The following SCIMP variants were observed in gnomAD, a reference collection of about 807,000 sequenced individuals.
SCIMP encodes the protein SLP adaptor and CSK interacting membrane protein.
In SCIMP, 18 loss-of-function variants were observed where a neutral mutation model predicts 22.0. The ratio of observed to expected loss-of-function variants is 0.82; its 90% CI spans 0.56 to 1.21. SCIMP has a LOEUF of 1.21. SCIMP is among the 50% of genes most tolerant of loss of function. SCIMP has a pLI of 0.00. For synonymous variants in SCIMP, 53 were observed against 62.2 expected, an observed-to-expected ratio of 0.85 and a Z score of 0.70; for missense variants, 155 against 171.2, an observed-to-expected ratio of 0.91 and a Z score of 0.53.
intron 2 of SCIMP, among the ~76,000 whole-genome samples, chr17:5,222,396 G>A (rs2074615349): frequency 6.6e-6 from 1 of 151,792 alleles, no homozygotes. Flanking sequence ...CGGCCAGGTT[G>A]TTATTTAAAG....
chr17:5,219,368 T>G lies in SCIMP; in HGVS notation c.209+1919A>C, dbSNP rs8078003. On this transcript the variant is annotated intron_variant, in intron 3 of 4. Coordinates refer to ENST00000574081, the MANE Select transcript of SCIMP (RefSeq NM_207103.3). ...GAGGCCGGGCATGGTGGCTCACACT[T>G]GTAATCCGAGCACTTTGGGAGGCCA... Among the ~76,000 whole-genome samples the G allele has an allele frequency of 8.9e-3, 1,349 of 151,634 alleles. 20 individuals are homozygous for G. The highest frequency in any genetic ancestry group is 0.031 in the African/African-American group (1,290 of 41,310).
chr17:5,223,490 A>G (rs1382220134), intron 1 of SCIMP, 34 bp from the exon 2 acceptor site: 1 of 1,610,894 alleles, frequency 6.2e-7, no homozygotes, highest in Admixed American at 1.7e-5. Context: ...ATGAGGTATG[A>G]ATGAAAGATA....
At position 5,219,192 on chromosome 17, in the gene SCIMP, G is replaced by A. The variant is rs571650736; in HGVS notation, c.209+2095C>T. The stretch of plus-strand genomic sequence containing the variant: ...AAATTAGCCAGGTGTGGTGGCGCGC[G>A]CCTGTAATCCCAGCTATTCAGGAGA... On this transcript the variant is annotated intron_variant, in intron 3 of 4. Transcript: ENST00000574081. Among the ~76,000 whole-genome samples the A allele has an allele frequency of 7.2e-4, 110 of 152,158 alleles. 1 individual carries two copies. The highest frequency in any genetic ancestry group is 6.8e-3 in the Middle Eastern group (2 of 294).
At chr17:5,230,156 G>T (rs2074683069) in intron 1 of SCIMP, among the ~76,000 whole-genome samples, 1 of 152,120 alleles carries the variant, frequency 6.6e-6, no homozygotes, top group Non-Finnish European at 1.5e-5. Context: ...TTCCCACTTA[G>T]CTGTTGCACT....
intron 3 of SCIMP, among the ~76,000 whole-genome samples, chr17:5,217,072 C>T (rs1172480265): frequency 1.3e-5 from 2 of 152,030 alleles, no homozygotes; most frequent in African/African-American, 2.4e-5. Flanking sequence ...AGAGCTCCAC[C>T]GGCGGCTCTC....
chr17:5,226,567 G>A (rs924428482), intron 1 of SCIMP, among the ~76,000 whole-genome samples: 12 of 149,460 alleles, frequency 8.0e-5, no homozygotes, highest in Non-Finnish European at 1.6e-4. Context: ...GTGCGATGGC[G>A]TGATCTCGGC....
chr17:5,228,878 G>A (rs761271138), intron 1 of SCIMP, among the ~76,000 whole-genome samples: 33 of 152,294 alleles, frequency 2.2e-4, no homozygotes, highest in Admixed American at 3.9e-4. Flanking sequence ...ATATACGAAA[G>A]AATGGATGAT....
chr17:5,220,612 C>T lies in SCIMP; in HGVS notation c.209+675G>A, dbSNP rs561262860. ...TACAAAAAGTAGCTGGGTATGCTGG[C>T]GTGTGCCTGTAATCTCAGCTACTTG... On this transcript the variant is annotated intron_variant, in intron 3 of 4. Transcript: ENST00000574081. 1.8e-4 allele frequency among the ~76,000 whole-genome samples: 27 copies of T among 151,850 alleles called. No homozygotes were observed. In the South Asian group the frequency reaches 2.9e-3, roughly 16 times the overall value.
At chr17:5,232,003 C>T (rs950737692) in intron 1 of SCIMP, among the ~76,000 whole-genome samples, 1 of 152,120 alleles carries the variant, frequency 6.6e-6, no homozygotes, top group African/African-American at 2.4e-5. Context: ...TTGCAGTGAG[C>T]CGAGATTGCG....
At chr17:5,232,600 G>C (rs2074711079) in intron 1 of SCIMP, among the ~76,000 whole-genome samples, 1 of 152,006 alleles carries the variant, frequency 6.6e-6, no homozygotes, top group Non-Finnish European at 1.5e-5. Flanking sequence ...GGTCTGAGAG[G>C]CTGTAGAGAA....
chr17:5,215,279 G>A (rs777961662), intron 3 of SCIMP: 1 of 321,516 alleles, frequency 3.1e-6, no homozygotes, highest in Non-Finnish European at 5.8e-6. Context: ...GTTCACCTGA[G>A]CTGGATTCGG....
chr17:5,210,704 G>T lies in SCIMP; in HGVS notation c.*97C>A. 6.8e-7 allele frequency: 1 copy of T among 1,478,994 alleles called. No individual in the cohort carries two copies. The highest frequency in any genetic ancestry group is 1.4e-5 in the South Asian group (1 of 71,842). The allele number at this position is 1,478,994 out of a possible 1,614,324, so 91.6% of individuals were successfully genotyped here. ...TTCATAAAATCACCACTGGCTTTCA[G>T]GGCCCAGAGACCTACTGAAGTTCAA... is the stretch of plus-strand genomic sequence containing the variant. On this transcript the variant is annotated 3_prime_UTR_variant, in exon 5 of 5. Transcript: ENST00000574081.
chr17:5,234,166 G>A (rs2074725499), intron 1 of SCIMP, among the ~76,000 whole-genome samples: 1 of 152,284 alleles, frequency 6.6e-6, no homozygotes, highest in African/African-American at 2.4e-5. Context: ...AGCTACTCAG[G>A]AGGCTGAGGC....
chr17:5,229,096 A>G (rs1775496939), intron 1 of SCIMP, among the ~76,000 whole-genome samples: 1 of 152,140 alleles, frequency 6.6e-6, no homozygotes, highest in South Asian at 2.1e-4. Flanking sequence ...TGGCAATCCA[A>G]TGCTGGGGAG....
At chr17:5,227,508 G>C (rs1383854864) in intron 1 of SCIMP, among the ~76,000 whole-genome samples, 2 of 152,122 alleles carry the variant, frequency 1.3e-5, no homozygotes, top group South Asian at 2.1e-4. Flanking sequence ...GAGCCACCCT[G>C]CCCACCCAGA....
chr17:5,220,934 T>G, intron 3 of SCIMP: 1 of 367,790 alleles, frequency 2.7e-6, no homozygotes, highest in South Asian at 2.2e-5. Context: ...GGTGGGTGCC[T>G]GTAATCCCAG....
Position 5,216,556 on chromosome 17 carries a change from C to T in SCIMP, c.210-1558G>A, listed in dbSNP as rs562886971. On this transcript the variant is annotated intron_variant, in intron 3 of 4. Coordinates refer to ENST00000574081, the MANE Select transcript of SCIMP (RefSeq NM_207103.3). The stretch of plus-strand genomic sequence containing the variant: ...TGGCGCATGCCTATAATCCCAGCTA[C>T]TCAGGAGGCTGAGGCAGAAGAATTG... Among the ~76,000 whole-genome samples the T allele has an allele frequency of 3.5e-4, 54 of 152,252 alleles. 1 individual carries two copies. The East Asian group carries it at 0.01, about 29-fold the overall frequency.
intron 4 of SCIMP, 67 bp from the exon 5 acceptor site, chr17:5,211,022 G>T (rs1004452785): frequency 1.6e-5 from 24 of 1,532,828 alleles, no homozygotes; most frequent in Non-Finnish European, 8.7e-6. Context: ...GAAGGCAGTG[G>T]CTCAGCGTGA....
rs546501511 is a variant in SCIMP at position 5,213,124 on chromosome 17, A to G, written c.283+1801T>C. 10 of 984,434 alleles carry G rather than the reference A, an allele frequency of 1.0e-5. No homozygotes were observed. The African/African-American group carries it at 1.8e-4, about 17-fold the overall frequency. The allele number at this position is 984,434 out of a possible 1,614,324, so 61.0% of individuals were successfully genotyped here. ...ACCAGGCAGAGTTTTTCTGATAGGA[A>G]GTGAAAGGCCTAGTGACACCCCATG... On this transcript the variant is annotated intron_variant, in intron 4 of 4. Transcript: ENST00000574081.
Sources: gnomAD v4.1 joint callset for allele counts (sites outside exome capture counted in the v4.1 genomes callset) on GRCh38, gnomAD v4.1.1 for gene constraint, MANE v1.5 for transcripts, NCBI Gene and HGNC (gene_info 2026-07-23, HGNC 2026-07-21) for gene names.